The following PTPRD variants were observed in gnomAD, a reference collection of about 807,000 sequenced individuals.
PTPRD encodes the protein receptor-type tyrosine-protein phosphatase delta.
A neutral mutation model predicts 214.5 loss-of-function variants in PTPRD; 34 were observed. The ratio of observed to expected loss-of-function variants is 0.16; its 90% CI spans 0.12 to 0.21. The LOEUF is 0.21. Among genes scored for constraint, PTPRD ranks in the 10% least tolerant of loss-of-function variants. The probability of loss-of-function intolerance (pLI) is 1.00; values close to 1 mark genes in which losing one functional copy is unlikely to be tolerated. For missense variants in PTPRD, 2,545 were observed against 2,398.7 expected, an observed-to-expected ratio of 1.06 and a Z score of -1.27; for synonymous variants, 1,128 against 845.7, an observed-to-expected ratio of 1.33 and a Z score of -5.79.
chr9:10,510,137 G>C (rs936615613), intron 2 of PTPRD, among the ~76,000 whole-genome samples: 7 of 152,004 alleles, frequency 4.6e-5, no homozygotes, highest in Non-Finnish European at 7.4e-5. Flanking sequence ...CTGTTTCTTT[G>C]TATTTGGCCT....
chr9:9,207,926 T>TA (rs1327069279), intron 9 of PTPRD, among the ~76,000 whole-genome samples: 3 of 151,508 alleles, frequency 2.0e-5, no homozygotes, highest in Non-Finnish European at 4.4e-5. Flanking sequence ...CTTCGTAGTA[T>TA]ATCTTTTAGT....
At chr9:9,753,774 G>A (rs1015696889) in intron 6 of PTPRD, among the ~76,000 whole-genome samples, 1 of 151,964 alleles carries the variant, frequency 6.6e-6, no homozygotes, top group Non-Finnish European at 1.5e-5. Context: ...AAATTCAGAG[G>A]TCACCATTTA....
intron 11 of PTPRD, among the ~76,000 whole-genome samples, chr9:8,935,101 A>G (rs896945607): frequency 6.6e-6 from 1 of 152,148 alleles, no homozygotes; most frequent in Non-Finnish European, 1.5e-5. Context: ...TATATTGGCT[A>G]TTGTGAATAA....
At chr9:8,661,739 T>G (rs968196004) in intron 12 of PTPRD, among the ~76,000 whole-genome samples, 7 of 151,428 alleles carry the variant, frequency 4.6e-5, no homozygotes, top group Non-Finnish European at 8.8e-5. Flanking sequence ...TTTCTGTGTT[T>G]GTGTTTTATT....
rs1382285820 is a variant in PTPRD, at chr9:9,309,627, A to C, written c.-203+87822T>G. The stretch of plus-strand genomic sequence containing the variant: ...CAAAGAGAGACTCTAAAAGAATACT[A>C]ACCCACCATACACAGTATAATCTGT... On this transcript the variant is annotated intron_variant, in intron 9 of 45. Coordinates refer to ENST00000381196, the MANE Select transcript of PTPRD (RefSeq NM_002839.4). Among the ~76,000 whole-genome samples the C allele has an allele frequency of 8.5e-5, 13 of 152,282 alleles. No individual in the cohort carries two copies. In the Middle Eastern group the frequency reaches 0.014, roughly 159 times the overall value.
intron 7 of PTPRD, among the ~76,000 whole-genome samples, chr9:9,717,233 A>G (rs1299411287): frequency 6.6e-6 from 1 of 152,212 alleles, no homozygotes; most frequent in Non-Finnish European, 1.5e-5. Context: ...TACCAGTACC[A>G]TGCTGTTTTG....
intron 3 of PTPRD, among the ~76,000 whole-genome samples, chr9:10,076,485 T>A (rs923754309): frequency 1.3e-5 from 2 of 152,084 alleles, no homozygotes; most frequent in African/African-American, 4.8e-5. Context: ...GGACCCTGAA[T>A]GGATATATAG....
chr9:8,484,195 C>A lies in PTPRD; in HGVS notation c.3337G>T (p.Ala1113Ser), dbSNP rs2096950177. 3.7e-6 allele frequency: 6 copies of A among 1,614,042 alleles called. No homozygotes were observed. The highest frequency in any genetic ancestry group is 1.3e-5 in the African/African-American group (1 of 74,910). ...TCCAAGTTGGTCTTCCCAATGAAGG[C>A]AGGCTTGGTACGTAATACATCTGGT... ...TAPDVLRTKP[A>S]FIGKTNLDGM... Residue 1113 changes from alanine to serine, a missense_variant, in exon 30 of 46, where the codon GCC (alanine) becomes TCC (serine). Transcript: ENST00000381196.
chr9:10,092,946 T>C (rs931140587), intron 3 of PTPRD, among the ~76,000 whole-genome samples: 2 of 151,602 alleles, frequency 1.3e-5, no homozygotes, highest in African/African-American at 4.8e-5. Context: ...TGTACAAAAA[T>C]TAACTCAAGA....
chr9:8,832,406 T>C (rs6477359), intron 11 of PTPRD, among the ~76,000 whole-genome samples: 99,910 of 139,168 alleles, frequency 0.72, 36,089 homozygotes, highest in African/African-American at 0.83. Context: ...GCAGCTAAAA[T>C]CATCTTTTTT....
chr9:9,429,389 T>A (rs921811133), intron 8 of PTPRD, among the ~76,000 whole-genome samples: 1 of 152,108 alleles, frequency 6.6e-6, no homozygotes, highest in Non-Finnish European at 1.5e-5. Context: ...TAGCAGGCTC[T>A]GAAATTGAGG....
chr9:8,809,285 C>T (rs915503126), intron 11 of PTPRD, among the ~76,000 whole-genome samples: 1 of 151,932 alleles, frequency 6.6e-6, no homozygotes, highest in Non-Finnish European at 1.5e-5. Context: ...TCTTTGCCAA[C>T]CAAAAAAAAG....
chr9:9,280,060 G>T (rs1454357394), intron 9 of PTPRD, among the ~76,000 whole-genome samples: 3 of 151,278 alleles, frequency 2.0e-5, no homozygotes, highest in African/African-American at 7.3e-5. Flanking sequence ...AGCAAAAACT[G>T]TTTTACAAAG....
At chr9:10,532,940 C>G (rs1480361712) in intron 2 of PTPRD, among the ~76,000 whole-genome samples, 1 of 151,882 alleles carries the variant, frequency 6.6e-6, no homozygotes, top group African/African-American at 2.4e-5. Context: ...TACATGATTC[C>G]CAGTGTGGCA....
At chr9:10,392,311 T>C (rs931719837) in intron 2 of PTPRD, among the ~76,000 whole-genome samples, 33 of 151,948 alleles carry the variant, frequency 2.2e-4, no homozygotes, top group African/African-American at 6.0e-4. Context: ...TTGAATCATA[T>C]AAAACTTCTT....
Position 8,549,755 on chromosome 9 carries a change from T to C in PTPRD, c.353-20976A>G, listed in dbSNP as rs569529206. Among the ~76,000 whole-genome samples, 14 of 152,252 alleles carry C rather than the reference T, an allele frequency of 9.2e-5. No homozygotes were observed. The East Asian group carries it at 2.5e-3, about 27-fold the overall frequency. On this transcript the variant is annotated intron_variant, in intron 14 of 45. Transcript: ENST00000381196. The stretch of plus-strand genomic sequence containing the variant: ...ATAAAATTATTCAAATTGTAAATTA[T>C]CTAGGAAAAACACCCAATAATTCTA...
At chr9:9,322,906 C>A (rs1967273097) in intron 9 of PTPRD, among the ~76,000 whole-genome samples, 1 of 152,092 alleles carries the variant, frequency 6.6e-6, no homozygotes, top group Admixed American at 6.6e-5. Flanking sequence ...CACAGTATTT[C>A]TGTATGCACA....
At chr9:8,447,469 G>A (rs1041412757) in intron 34 of PTPRD, among the ~76,000 whole-genome samples, 1 of 152,034 alleles carries the variant, frequency 6.6e-6, no homozygotes, top group African/African-American at 2.4e-5. Flanking sequence ...CAAATACATT[G>A]GGAAAATTAA....
chr9:9,537,129 T>C (rs2076688586), intron 8 of PTPRD, among the ~76,000 whole-genome samples: 2 of 151,958 alleles, frequency 1.3e-5, no homozygotes, highest in Non-Finnish European at 1.5e-5. Context: ...CATCAATAAC[T>C]GAGTACCTGC....
Sources: allele counts gnomAD v4.1 joint callset (sites outside exome capture counted in the v4.1 genomes callset), GRCh38; gene constraint gnomAD v4.1.1; transcripts MANE v1.5; gene names NCBI Gene and HGNC (gene_info 2026-07-23, HGNC 2026-07-21).